Variants in NALCN observed in about 807,000 individuals in gnomAD.
NALCN encodes the protein sodium leak channel, non-selective.
NALCN carries 111 observed loss-of-function variants against 225.3 expected under a neutral mutation model. The observed-to-expected ratio is 0.49, with a 90% CI of 0.42 to 0.58. The LOEUF is 0.58. Ranked by LOEUF, NALCN falls within the 20% of genes least tolerant of loss-of-function variation. The pLI, the probability that NALCN is intolerant of heterozygous loss-of-function variation, is 0.00. For synonymous variants in NALCN, 764 were observed against 769.0 expected (o/e 0.99, Z 0.11); for missense variants, 1,378 against 2,202.4 (o/e 0.63, Z 7.49).
intron 2 of NALCN, among the ~76,000 whole-genome samples, chr13:101,397,107 T>TATATATATAC (rs1555346488): frequency 1.2e-5 from 1 of 83,380 alleles, no homozygotes; most frequent in Non-Finnish European, 2.3e-5. Flanking sequence ...TATATATATA[T>TATATATATAC]ATACATACAC....
intron 17 of NALCN, among the ~76,000 whole-genome samples, chr13:101,132,625 C>T (rs2036573429): frequency 6.6e-6 from 1 of 151,998 alleles, no homozygotes; most frequent in Non-Finnish European, 1.5e-5. Flanking sequence ...GTATTATTAT[C>T]TCTTTTTTCC....
chr13:101,107,525 T>C lies in NALCN; in HGVS notation c.2541A>G (p.Arg847=), dbSNP rs1291457160. ...CTCGGACCACCACCCGGCAAAAGTT[T>C]CTGAACCTGTGTTCTCGCCCGACAA... The part of the protein sequence containing the change: ...LFIVGREHRF[R]NFCRVVVRAR... The change falls in exon 22 of 44, where the codon AGA becomes AGG. Residue 847 remains arginine (R), a synonymous_variant. Transcript: ENST00000251127. 3 of 1,614,174 alleles carry C rather than the reference T, an allele frequency of 1.9e-6. No individual in the cohort carries two copies. The highest frequency in any genetic ancestry group is 1.1e-5 in the South Asian group (1 of 91,086).
intron 6 of NALCN, among the ~76,000 whole-genome samples, chr13:101,346,667 T>C (rs543441680): frequency 1.3e-5 from 2 of 152,244 alleles, no homozygotes; most frequent in East Asian, 1.9e-4. Flanking sequence ...TTCTTAAGAA[T>C]AGGTTGGATA....
At chr13:101,218,719 T>C (rs1157218173) in intron 13 of NALCN, among the ~76,000 whole-genome samples, 2 of 152,060 alleles carry the variant, frequency 1.3e-5, no homozygotes, top group Non-Finnish European at 2.9e-5. Context: ...TCCTCTCTCT[T>C]TCTTTTCCTC....
At chr13:101,136,631 AACTCATC>A (rs2036811590) in intron 17 of NALCN, among the ~76,000 whole-genome samples, 1 of 152,198 alleles carries the variant, frequency 6.6e-6, no homozygotes, top group Non-Finnish European at 1.5e-5. Context: ...AAAGGACATG[AACTCATC>A]CTTTTTTATG....
chr13:101,342,233 GCCATCTATT>G (rs2045580275), intron 7 of NALCN, among the ~76,000 whole-genome samples: 3 of 152,118 alleles, frequency 2.0e-5, no homozygotes. Flanking sequence ...GCCTTTAAAA[GCCATCTATT>G]CCTTGGATCA....
intron 33 of NALCN, among the ~76,000 whole-genome samples, chr13:101,082,219 A>G (rs954597931): frequency 5.9e-5 from 9 of 152,228 alleles, no homozygotes; most frequent in African/African-American, 2.2e-4. Flanking sequence ...TGTAGTAACT[A>G]AAAATAAGAG....
intron 7 of NALCN, among the ~76,000 whole-genome samples, chr13:101,293,974 T>C (rs2043642734): frequency 6.6e-6 from 1 of 152,118 alleles, no homozygotes. Flanking sequence ...CACAACATGC[T>C]AAGGAAATCT....
chr13:101,093,309 T>C (rs1004017942), intron 28 of NALCN, among the ~76,000 whole-genome samples: 4 of 152,224 alleles, frequency 2.6e-5, no homozygotes, highest in Non-Finnish European at 5.9e-5. Context: ...AGCATTCCTC[T>C]AGTGTATTCC....
chr13:101,073,196 C>T (rs189656464), intron 37 of NALCN, among the ~76,000 whole-genome samples: 32 of 152,224 alleles, frequency 2.1e-4, no homozygotes, highest in Non-Finnish European at 3.2e-4. Context: ...AGGTAAGCTC[C>T]TTGAGTGTGC....
At chr13:101,394,238 C>T (rs1327204109) in intron 3 of NALCN, among the ~76,000 whole-genome samples, 1 of 152,156 alleles carries the variant, frequency 6.6e-6, no homozygotes, top group African/African-American at 2.4e-5. Context: ...AATGCATTGT[C>T]TGTGATCTCT....
Position 101,088,930 on chromosome 13 carries a change from G to A in NALCN, c.3489+733C>T, listed in dbSNP as rs968824923. ...TTTTTCTTTTTTTTTTTTGAGTCTCGCTCTGTTGCTCAGGCTGGATGCAGT... is the reference window on the plus strand; with the variant it reads ...TTTTTCTTTTTTTTTTTTGAGTCTCACTCTGTTGCTCAGGCTGGATGCAGT... On this transcript the variant is annotated intron_variant, in intron 30 of 43. Coordinates refer to ENST00000251127, the MANE Select transcript of NALCN (RefSeq NM_052867.4). 1.0e-4 allele frequency among the ~76,000 whole-genome samples: 15 copies of A among 146,428 alleles called. 1 individual carries two copies. The highest frequency in any genetic ancestry group is 6.2e-4 in the Admixed American group (9 of 14,500).
chr13:101,377,609 T>C (rs1318913757), intron 4 of NALCN, among the ~76,000 whole-genome samples: 7 of 152,166 alleles, frequency 4.6e-5, no homozygotes, highest in Non-Finnish European at 7.4e-5. Context: ...AGGTGAACTT[T>C]ATAAAAATAT....
At chr13:101,172,261 G>T (rs2038760603) in intron 15 of NALCN, among the ~76,000 whole-genome samples, 1 of 152,070 alleles carries the variant, frequency 6.6e-6, no homozygotes, top group Non-Finnish European at 1.5e-5. Context: ...CTTCTGAGGG[G>T]AACGCCCTGG....
At chr13:101,202,193 G>A (rs1282244565) in intron 13 of NALCN, among the ~76,000 whole-genome samples, 1 of 152,086 alleles carries the variant, frequency 6.6e-6, no homozygotes, top group African/African-American at 2.4e-5. Context: ...CAATATTTAG[G>A]ATAATATTGA....
intron 6 of NALCN, among the ~76,000 whole-genome samples, chr13:101,361,729 A>T (rs2046257163): frequency 6.6e-6 from 1 of 152,232 alleles, no homozygotes; most frequent in Non-Finnish European, 1.5e-5. Flanking sequence ...GTGAGAAAAT[A>T]ACATACAGCA....
chr13:101,346,057 T>TTCTCTCTCTCTCTCTCTCTCTCTCTC (rs767899309), intron 6 of NALCN, among the ~76,000 whole-genome samples: 11 of 75,542 alleles, frequency 1.5e-4, no homozygotes, highest in Admixed American at 3.7e-4. Flanking sequence ...TTGAGAGACT[T>TTCTCTCTCTCTCTCTCTCTCTCTCTC]TCTCTCTCTC....
intron 6 of NALCN, among the ~76,000 whole-genome samples, chr13:101,349,787 T>C (rs930045263): frequency 1.3e-5 from 2 of 152,188 alleles, no homozygotes; most frequent in Admixed American, 6.5e-5. Context: ...TACATCGTTG[T>C]AGAGTCTTAG....
chr13:101,335,015 A>G (rs573081325), intron 7 of NALCN, among the ~76,000 whole-genome samples: 1 of 152,332 alleles, frequency 6.6e-6, no homozygotes, highest in East Asian at 1.9e-4. Context: ...AAATACAACC[A>G]TAAAAATGCT....
Sources: gnomAD v4.1 joint callset for allele counts (sites outside exome capture counted in the v4.1 genomes callset) on GRCh38, gnomAD v4.1.1 for gene constraint, MANE v1.5 for transcripts, NCBI Gene and HGNC (gene_info 2026-07-23, HGNC 2026-07-21) for gene names.